LRP1B: variants seen among roughly 807,000 people sequenced by gnomAD.
The protein encoded by LRP1B is low-density lipoprotein receptor-related protein 1B.
Under a neutral mutation model 556.6 loss-of-function variants are expected in LRP1B, and 217 were observed. The ratio of observed to expected loss-of-function variants is 0.39; its 90% CI spans 0.35 to 0.44. The LOEUF is 0.44. LRP1B is among the 20% of genes least tolerant of loss of function. The probability of loss-of-function intolerance (pLI) is 1.00; values close to 1 mark genes in which losing one functional copy is unlikely to be tolerated. For missense variants in LRP1B, 5,053 were observed against 5,620.8 expected, an observed-to-expected ratio of 0.90 and a Z score of 3.23; for synonymous variants, 2,047 against 1,865.8, an observed-to-expected ratio of 1.10 and a Z score of -2.50.
chr2:141,243,829 A>G (rs1683971027), intron 5 of LRP1B, among the ~76,000 whole-genome samples: 1 of 152,148 alleles, frequency 6.6e-6, no homozygotes, highest in Non-Finnish European at 1.5e-5. Flanking sequence ...TACATGAATT[A>G]ATAGGAATGA....
At chr2:140,940,716 T>G (rs1008991316) in intron 20 of LRP1B, among the ~76,000 whole-genome samples, 5 of 152,136 alleles carry the variant, frequency 3.3e-5, no homozygotes, top group Non-Finnish European at 7.4e-5. Context: ...TTGTGAACAG[T>G]GCTGCAATGA....
intron 78 of LRP1B, among the ~76,000 whole-genome samples, chr2:140,335,030 G>T (rs16843798): frequency 0.076 from 11,543 of 151,872 alleles, 486 homozygotes; most frequent in Middle Eastern, 0.13. Flanking sequence ...AGTATAAGTT[G>T]TCTCTTTTTA....
chr2:140,595,170 A>T (rs371815748), intron 43 of LRP1B, among the ~76,000 whole-genome samples: 1 of 141,226 alleles, frequency 7.1e-6, no homozygotes, highest in South Asian at 2.3e-4. Flanking sequence ...TAAAATAAGG[A>T]GTAGAAAAAA....
At chr2:141,779,393 A>G (rs1334209426) in intron 2 of LRP1B, among the ~76,000 whole-genome samples, 2 of 151,512 alleles carry the variant, frequency 1.3e-5, no homozygotes, top group African/African-American at 4.8e-5. Flanking sequence ...TAATGTGATT[A>G]TAGACAAATA....
At chr2:141,736,265 G>T (rs1386442328) in intron 2 of LRP1B, among the ~76,000 whole-genome samples, 2 of 152,076 alleles carry the variant, frequency 1.3e-5, no homozygotes, top group Non-Finnish European at 2.9e-5. Context: ...TGAAGCTCCT[G>T]GATGCTATCA....
intron 5 of LRP1B, among the ~76,000 whole-genome samples, chr2:141,238,010 T>C (rs1683722054): frequency 6.6e-6 from 1 of 152,236 alleles, no homozygotes; most frequent in African/African-American, 2.4e-5. Flanking sequence ...ATAAGTACAA[T>C]GAAATAAATA....
intron 5 of LRP1B, among the ~76,000 whole-genome samples, chr2:141,237,208 T>C (rs972843851): frequency 6.6e-6 from 1 of 152,074 alleles, no homozygotes; most frequent in African/African-American, 2.4e-5. Flanking sequence ...TAGATGTGGG[T>C]CATGGGGATA....
At chr2:140,619,893 AAT>A (rs1008452649) in intron 41 of LRP1B, among the ~76,000 whole-genome samples, 79 of 152,300 alleles carry the variant, frequency 5.2e-4, no homozygotes, top group African/African-American at 1.9e-3. Context: ...GTGTCAAACA[AAT>A]ATGATAGATT....
chr2:141,467,801 T>TTTTG (rs71338142), intron 3 of LRP1B, among the ~76,000 whole-genome samples: 3,523 of 120,030 alleles, frequency 0.029, 223 homozygotes, highest in African/African-American at 0.098. Context: ...GCACACTGCT[T>TTTTG]TTTGTTTGTT....
At chr2:140,373,887 A>G (rs981126523) in intron 68 of LRP1B, among the ~76,000 whole-genome samples, 1 of 152,174 alleles carries the variant, frequency 6.6e-6, no homozygotes, top group Non-Finnish European at 1.5e-5. Flanking sequence ...CAAAAATCCT[A>G]AGACAAATCT....
intron 1 of LRP1B, among the ~76,000 whole-genome samples, chr2:142,110,812 CA>C (rs1289971199): frequency 1.3e-5 from 2 of 152,180 alleles, no homozygotes; most frequent in Non-Finnish European, 2.9e-5. Flanking sequence ...TCATGATGAA[CA>C]ACCTATTGTA....
intron 20 of LRP1B, among the ~76,000 whole-genome samples, chr2:140,949,191 C>A (rs894269986): frequency 3.9e-5 from 6 of 152,120 alleles, no homozygotes; most frequent in African/African-American, 7.2e-5. Context: ...ATGTTTTCAT[C>A]CTTTTATTTA....
chr2:141,003,475 C>A (rs1195957393), intron 15 of LRP1B, among the ~76,000 whole-genome samples: 1 of 152,042 alleles, frequency 6.6e-6, no homozygotes, highest in Non-Finnish European at 1.5e-5. Context: ...TAGGAGGAAT[C>A]CAGTGGGAGG....
intron 2 of LRP1B, among the ~76,000 whole-genome samples, chr2:141,623,771 T>C (rs355584): frequency 1 from 151,323 of 151,748 alleles, 75,450 homozygotes; most frequent in Middle Eastern, 1. Flanking sequence ...AATCCCAGCA[T>C]TTTGGGAAGC....
intron 7 of LRP1B, among the ~76,000 whole-genome samples, chr2:141,152,690 A>T (rs1361743409): frequency 6.6e-6 from 1 of 151,868 alleles, no homozygotes; most frequent in South Asian, 2.1e-4. Flanking sequence ...TAATAATAGC[A>T]TATATTATTA....
intron 57 of LRP1B, among the ~76,000 whole-genome samples, chr2:140,488,769 A>G (rs894286229): frequency 6.6e-6 from 1 of 152,006 alleles, no homozygotes; most frequent in Non-Finnish European, 1.5e-5. Flanking sequence ...TGCTTACATC[A>G]ATATTCACCG....
chr2:140,883,676 C>T, intron 25 of LRP1B, 141 bp downstream of exon 25: 10 of 340,270 alleles, frequency 2.9e-5, no homozygotes, highest in South Asian at 7.0e-5. Flanking sequence ...ACCCCCACCT[C>T]CCCGCCCCCG....
rs184122780 is a variant in LRP1B, at chr2:140,399,036, T to C, written c.10415-13027A>G. ...CAGTTGAGAATAATAAAATAAAAAA[T>C]GTGCTAATGAGTCCGATTGAATAAA... On this transcript the variant is annotated intron_variant, in intron 66 of 90. Coordinates refer to ENST00000389484, the MANE Select transcript of LRP1B (RefSeq NM_018557.3). Among the ~76,000 whole-genome samples the C allele has an allele frequency of 2.5e-3, 388 of 152,238 alleles. 2 individuals carry two copies. Among genetic ancestry groups the C allele is most frequent in the African/African-American group, 8.8e-3 (367 of 41,548 alleles).
rs533917479 is a variant in LRP1B, at chr2:141,962,161, T to C, written c.83-151760A>G. ...TGTTATCTGGATAGAAAGGCACAGA[T>C]CATTTGTTGAATAAAATTAATAGTT... On this transcript the variant is annotated intron_variant, in intron 1 of 90. Coordinates refer to ENST00000389484, the MANE Select transcript of LRP1B (RefSeq NM_018557.3). 3.3e-5 allele frequency among the ~76,000 whole-genome samples: 5 copies of C among 151,842 alleles called. No individual in the cohort carries two copies. The East Asian group carries it at 9.7e-4, about 30-fold the overall frequency.
Sources: gnomAD v4.1 joint callset for allele counts (sites outside exome capture counted in the v4.1 genomes callset) on GRCh38, gnomAD v4.1.1 for gene constraint, MANE v1.5 for transcripts, NCBI Gene and HGNC (gene_info 2026-07-23, HGNC 2026-07-21) for gene names.